PCNX4: variants seen among roughly 807,000 people sequenced by gnomAD.
The protein encoded by PCNX4 is pecanex-like protein 4.
PCNX4 carries 103 observed loss-of-function variants against 107.2 expected under a neutral mutation model. That is an observed-to-expected ratio of 0.96 (90% confidence interval 0.82 to 1.13). The LOEUF (loss-of-function observed/expected upper bound fraction) is 1.13. PCNX4 is among the 50% of genes most tolerant of loss of function. The probability of loss-of-function intolerance (pLI) is 0.00; values close to 1 mark genes in which losing one functional copy is unlikely to be tolerated. For synonymous variants in PCNX4, 541 were observed against 481.7 expected (o/e 1.12, Z -1.61); for missense variants, 1,528 against 1,379.4 (o/e 1.11, Z -1.71).
intron 10 of PCNX4, 136 bp from the exon 11 acceptor site, chr14:60,133,834 T>C (rs1430961373): frequency 1.2e-6 from 1 of 808,042 alleles, no homozygotes; most frequent in East Asian, 2.7e-5. Context: ...TTTTAAACAC[T>C]ACTTTCTGTT....
At chr14:60,126,333 A>G (rs1024598596) in intron 10 of PCNX4, 11 of 152,248 alleles carry the variant, frequency 7.2e-5, no homozygotes, top group Non-Finnish European at 1.3e-4. Context: ...AGTGTACACA[A>G]CATGAAAGAT....
At chr14:60,093,772 T>C (rs1007129951) in intron 1 of PCNX4, among the ~76,000 whole-genome samples, 1 of 152,206 alleles carries the variant, frequency 6.6e-6, no homozygotes, top group African/African-American at 2.4e-5. Context: ...GCTAGACTGT[T>C]TCCCAAAGGA....
intron 8 of PCNX4, among the ~76,000 whole-genome samples, chr14:60,122,681 G>A (rs991086169): frequency 6.6e-6 from 1 of 152,046 alleles, no homozygotes; most frequent in Admixed American, 6.6e-5. Flanking sequence ...GATTACCCAT[G>A]TCCCTCACTT....
chr14:60,095,406 T>G (rs1895404844), intron 1 of PCNX4, among the ~76,000 whole-genome samples: 1 of 152,160 alleles, frequency 6.6e-6, no homozygotes. Flanking sequence ...CAATTGACAT[T>G]GCCAGGATGA....
Position 60,134,211 on chromosome 14 carries a change from A to G in PCNX4, c.3509A>G (p.His1170Arg), listed in dbSNP as rs974180309. Residue 1170 changes from histidine to arginine, a missense_variant, in exon 11 of 11, where the codon CAT (histidine) becomes CGT (arginine). By Grantham distance (29) the His-to-Arg change is conservative. Coordinates refer to ENST00000406854, the MANE Select transcript of PCNX4 (RefSeq NM_001330177.2). The stretch of plus-strand genomic sequence containing the variant: ...TATTCTTCAAAACCTCTCCACATAC[A>G]TTTGTATTAGAGCTCATTTTGACTG... ...PIYSSKPLHI[H>R]LY The G allele has an allele frequency of 4.3e-6, 7 of 1,613,450 alleles. No homozygotes were observed. The South Asian group carries it at 7.7e-5, about 18-fold the overall frequency.
intron 9 of PCNX4, 135 bp from the exon 10 acceptor site, chr14:60,125,502 T>G (rs1422025500): frequency 1.3e-6 from 1 of 787,492 alleles, no homozygotes; most frequent in Non-Finnish European, 1.8e-6. Context: ...ACTGCATCAT[T>G]TCTTCCTCCA....
In PCNX4 at chr14:60,138,830, TATAA is replaced by T. The variant is rs1311749059; in HGVS notation, c.*4611_*4614del. 4 of 152,260 alleles carry T rather than the reference TATAA, an allele frequency of 2.6e-5. No individual in the cohort carries two copies. Among genetic ancestry groups the T allele is most frequent in the African/African-American group, 9.6e-5 (4 of 41,550 alleles). The allele number at this position is 152,260 out of a possible 1,614,324, so 9.4% of individuals were successfully genotyped here. ...ATACAGTTTAAGTGAATATTAACTA[TATAA>T]AATAGTCTTCGAGGTTAAAATAAAT... On this transcript the variant is annotated 3_prime_UTR_variant, in exon 11 of 11. Coordinates refer to ENST00000406854, the MANE Select transcript of PCNX4 (RefSeq NM_001330177.2).
At position 60,137,782 on chromosome 14, in the gene PCNX4, A is replaced by T. The variant is rs1337934294; in HGVS notation, c.*3561A>T. On this transcript the variant is annotated 3_prime_UTR_variant, in exon 11 of 11. Coordinates refer to ENST00000406854, the MANE Select transcript of PCNX4 (RefSeq NM_001330177.2). ...CAAGTCCCCAACTTAAAAGTACATTAATCAAGTTTAAGAATTCAGTGAATA... is the reference window on the plus strand; with the variant it reads ...CAAGTCCCCAACTTAAAAGTACATTTATCAAGTTTAAGAATTCAGTGAATA... 6.6e-6 allele frequency: 1 copy of T among 152,184 alleles called. No individual in the cohort carries two copies. Among genetic ancestry groups the T allele is most frequent in the Non-Finnish European group, 1.5e-5 (1 of 68,032 alleles). The allele number at this position is 152,184 out of a possible 1,614,324, so 9.4% of individuals were successfully genotyped here. A position where few individuals can be genotyped will look rare whatever the true frequency, so the allele number is the denominator to read the frequency against.
chr14:60,104,336 A>G (rs1252073630), intron 1 of PCNX4, among the ~76,000 whole-genome samples: 2 of 58,206 alleles, frequency 3.4e-5, no homozygotes, highest in African/African-American at 8.0e-5. Context: ...AAAAAAAAAA[A>G]AAAAAAAAAA....
At position 60,108,036 on chromosome 14, in the gene PCNX4, G is replaced by C; in HGVS notation, c.398G>C (p.Gly133Ala). 1 of 1,612,802 alleles carries C rather than the reference G, an allele frequency of 6.2e-7. No individual in the cohort carries two copies. ...GAETVKFLIPGKKYVANTVFH... is the reference protein window; with the variant it reads ...GAETVKFLIPAKKYVANTVFH... ...GAGACTGTCAAATTTCTCATTCCTG[G>C]CAAGAAATATGTAGCCAATACAGTT... The change falls in exon 2 of 11, where the codon GGC becomes GCC. Residue 133 changes from glycine to alanine, a missense_variant. Transcript: ENST00000406854.
intron 2 of PCNX4, 22 bp downstream of exon 2, chr14:60,108,349 T>A: frequency 6.5e-7 from 1 of 1,529,374 alleles, no homozygotes; most frequent in Non-Finnish European, 8.9e-7. Context: ...CCAAATACTT[T>A]GTAACTAACT....
chr14:60,142,249 A>G lies in PCNX4; in HGVS notation c.*8028A>G, dbSNP rs547659532. On this transcript the variant is annotated 3_prime_UTR_variant, in exon 11 of 11. Transcript: ENST00000406854. The surrounding 1 kb of genome is among the most constrained non-coding windows in gnomAD (Gnocchi z 4.7). ...AATATATGCAGTTTATCATACATCA[A>G]TTATACCTCAGTAAAGGTGTCAGAA... is the stretch of plus-strand genomic sequence containing the variant. 1 of 152,322 alleles carries G rather than the reference A, an allele frequency of 6.6e-6. No individual in the cohort carries two copies. The highest frequency in any genetic ancestry group is 2.4e-5 in the African/African-American group (1 of 41,564). 9.4% of individuals were successfully genotyped at this position (152,322 alleles called of 1,614,324 possible). A position where few individuals can be genotyped will look rare whatever the true frequency, so the allele number is the denominator to read the frequency against.
Position 60,107,976 on chromosome 14 carries a change from A to C in PCNX4, c.338A>C (p.Glu113Ala). ...RILTTDILAE[E>A]DEHEFTSCTG... ...CTAACCACGGATATCTTAGCAGAGGAGGATGAGCATGAATTTACCAGTTGT... is the reference window on the plus strand; with the variant it reads ...CTAACCACGGATATCTTAGCAGAGGCGGATGAGCATGAATTTACCAGTTGT... Residue 113 changes from glutamate to alanine, a missense_variant, in exon 2 of 11, where the codon GAG (glutamate) becomes GCG (alanine). Transcript: ENST00000406854. The C allele has an allele frequency of 6.2e-7, 1 of 1,612,890 alleles. No individual in the cohort carries two copies. The highest frequency in any genetic ancestry group is 8.5e-7 in the Non-Finnish European group (1 of 1,179,866).
rs1896244507 is a variant in PCNX4 at position 60,136,680 on chromosome 14, C to A, written c.*2459C>A. 6.6e-6 allele frequency: 1 copy of A among 152,306 alleles called. No individual in the cohort carries two copies. Among genetic ancestry groups the A allele is most frequent in the Non-Finnish European group, 1.5e-5 (1 of 68,104 alleles). The allele number at this position is 152,306 out of a possible 1,614,324, so 9.4% of individuals were successfully genotyped here. ...CTTACAGGCTGGGCGTACTTATAGGCATGGGTGAGAGGGGTCTGGGCAGTA... is the reference window on the plus strand; with the variant it reads ...CTTACAGGCTGGGCGTACTTATAGGAATGGGTGAGAGGGGTCTGGGCAGTA... On this transcript the variant is annotated 3_prime_UTR_variant, in exon 11 of 11. Transcript: ENST00000406854.
intron 2 of PCNX4, among the ~76,000 whole-genome samples, chr14:60,114,245 T>C (rs903628598): frequency 1.4e-4 from 21 of 152,322 alleles, no homozygotes; most frequent in African/African-American, 4.8e-4. Flanking sequence ...GCTTTGACTT[T>C]CCAAAGTTAC....
chr14:60,126,323 A>C (rs574231144), intron 10 of PCNX4: 1 of 152,256 alleles, frequency 6.6e-6, no homozygotes, highest in Non-Finnish European at 1.5e-5. Flanking sequence ...AATGTTGTCA[A>C]GTGTACACAA....
chr14:60,098,306 G>GT (rs1895465578), intron 1 of PCNX4, among the ~76,000 whole-genome samples: 1 of 152,104 alleles, frequency 6.6e-6, no homozygotes, highest in Non-Finnish European at 1.5e-5. Context: ...AATAAATACT[G>GT]TAAGTCTGTA....
Position 60,145,768 on chromosome 14 carries a change from T to C in PCNX4, c.*11547T>C, listed in dbSNP as rs1430041219. On this transcript the variant is annotated 3_prime_UTR_variant, in exon 11 of 11. Transcript: ENST00000406854. The surrounding 1 kb of genome is among the most constrained non-coding windows in gnomAD (Gnocchi z 4.0). ...CAACCTGATAATCCCCAAGATGTGATGTTTCTTTTCAGAAGATATGCATTT... is the reference window on the plus strand; with the variant it reads ...CAACCTGATAATCCCCAAGATGTGACGTTTCTTTTCAGAAGATATGCATTT... 1 of 152,198 alleles carries C rather than the reference T, an allele frequency of 6.6e-6. No individual in the cohort carries two copies. The highest frequency in any genetic ancestry group is 1.5e-5 in the Non-Finnish European group (1 of 68,032). 9.4% of individuals were successfully genotyped at this position (152,198 alleles called of 1,614,324 possible).
At chr14:60,105,237 A>G (rs1768301183) in intron 1 of PCNX4, among the ~76,000 whole-genome samples, 1 of 152,172 alleles carries the variant, frequency 6.6e-6, no homozygotes, top group Non-Finnish European at 1.5e-5. Flanking sequence ...AGCTAGACCA[A>G]ACTGCTCTGC....
Sources: allele counts gnomAD v4.1 joint callset (sites outside exome capture counted in the v4.1 genomes callset), GRCh38; gene constraint gnomAD v4.1.1; non-coding constraint Gnocchi (gnomAD v3.1); transcripts MANE v1.5; gene names NCBI Gene and HGNC (gene_info 2026-07-23, HGNC 2026-07-21).